The following SUPT16H variants were observed in gnomAD, a reference collection of about 807,000 sequenced individuals.
The protein encoded by SUPT16H is SPT16 homolog, facilitates chromatin remodeling subunit, also known as FACT complex subunit SPT16.
In SUPT16H, 24 loss-of-function variants were observed where a neutral mutation model predicts 136.2. That is an observed-to-expected ratio of 0.18 (90% CI 0.13 to 0.25). SUPT16H has a LOEUF of 0.25. Among genes scored for constraint, SUPT16H ranks in the 10% least tolerant of loss-of-function variants. The pLI is 1.00. For synonymous variants in SUPT16H, 415 were observed against 428.2 expected, an observed-to-expected ratio of 0.97 and a Z score of 0.38; for missense variants, 623 against 1,270.2, an observed-to-expected ratio of 0.49 and a Z score of 7.74.
intron 1 of SUPT16H, 179 bp downstream of exon 1, chr14:21,383,683 T>G: frequency 2.7e-6 from 2 of 738,292 alleles, no homozygotes. Context: ...ATGCGGGGGA[T>G]TCCCTGTTAA....
intron 7 of SUPT16H, among the ~76,000 whole-genome samples, 190 bp from the exon 8 acceptor site, chr14:21,366,719 G>A (rs113299573): frequency 4.0e-5 from 6 of 148,892 alleles, no homozygotes; most frequent in East Asian, 2.0e-4. Context: ...GCATGATTAC[G>A]GATCACTGCA....
chr14:21,358,155 C>T, intron 20 of SUPT16H, 153 bp from the exon 21 acceptor site: 1 of 817,522 alleles, frequency 1.2e-6, no homozygotes, highest in South Asian at 1.8e-5. Context: ...TAGCCACTCA[C>T]CTAAACCCTT....
intron 1 of SUPT16H, among the ~76,000 whole-genome samples, chr14:21,381,876 G>A (rs967567320): frequency 6.6e-6 from 1 of 151,024 alleles, no homozygotes; most frequent in Non-Finnish European, 1.5e-5. Flanking sequence ...ACAGGCATGA[G>A]TCACGGTGCC....
At position 21,357,991 on chromosome 14, in the gene SUPT16H, G is replaced by T; in HGVS notation, c.2426C>A (p.Ala809Asp). ...AAGGAGGCAGGTACTCCTATAGGGA[G>T]CTCCGTTAAATCTGGAAGAGACAAA... The part of the protein sequence containing the change: ...VPFRDLGFNG[A>D]PYRSTCLLQP... Residue 809 changes from alanine to aspartate, a missense_variant, in exon 21 of 26, where the codon GCT (alanine) becomes GAT (aspartate). Ala to Asp is a moderately radical substitution (Grantham distance 126, BLOSUM62 -2). Around this residue, in one of 7 missense-constraint regions of SUPT16H, gnomAD observed 74 missense variants for 193.8 expected, o/e 0.38. Coordinates refer to ENST00000216297, the MANE Select transcript of SUPT16H (RefSeq NM_007192.4). 1 of 1,613,308 alleles carries T rather than the reference G, an allele frequency of 6.2e-7. No homozygotes were observed. The highest frequency in any genetic ancestry group is 2.2e-5 in the East Asian group (1 of 44,856).
chr14:21,352,792 C>T lies in SUPT16H; in HGVS notation c.3025G>A (p.Glu1009Lys). The change falls in exon 26 of 26, where the codon GAA (glutamate) becomes AAA (lysine). Residue 1009 changes from glutamate to lysine, a missense_variant. Physicochemically the swap from Glu to Lys is moderately conservative, Grantham distance 56. Around this residue, in one of 7 missense-constraint regions of SUPT16H, gnomAD observed 88 missense variants for 135.5 expected, o/e 0.65. Coordinates refer to ENST00000216297, the MANE Select transcript of SUPT16H (RefSeq NM_007192.4). Reference sequence around the variant, plus strand: ...CTCATACTTCGACTTTGTTCTTCTTCTTCCTCGTAACGACTTTCTCGGTCC... The same window carrying T: ...CTCATACTTCGACTTTGTTCTTCTTTTTCCTCGTAACGACTTTCTCGGTCC... ...KADRESRYEE[E>K]EEQSRSMSRK... 6.2e-7 allele frequency: 1 copy of T among 1,614,052 alleles called. No individual in the cohort carries two copies. The highest frequency in any genetic ancestry group is 8.5e-7 in the Non-Finnish European group (1 of 1,180,010).
At chr14:21,356,303 C>A (rs535582307) in intron 22 of SUPT16H, among the ~76,000 whole-genome samples, 1 of 152,212 alleles carries the variant, frequency 6.6e-6, no homozygotes, top group South Asian at 2.1e-4. Flanking sequence ...GGACAGACAA[C>A]TCCCAATCTC....
rs1886830969 is a variant in SUPT16H at position 21,373,444 on chromosome 14, G to A, written c.67-14C>T. 14 of 1,590,530 alleles carry A rather than the reference G, an allele frequency of 8.8e-6. No individual in the cohort carries two copies. The East Asian group carries it at 3.1e-4, about 36-fold the overall frequency. Reference sequence around the variant, plus strand: ...ATCTTCTCCTTTCTGAAAAGAGTGGGTAATCATCACTTAATTTTTCACACT... The same window carrying A: ...ATCTTCTCCTTTCTGAAAAGAGTGGATAATCATCACTTAATTTTTCACACT... On this transcript the variant is annotated splice_polypyrimidine_tract_variant and intron_variant, in intron 1 of 25. Coordinates refer to ENST00000216297, the MANE Select transcript of SUPT16H (RefSeq NM_007192.4).
intron 5 of SUPT16H, 123 bp from the exon 6 acceptor site, chr14:21,369,478 A>G (rs1594305822): frequency 7.6e-7 from 1 of 1,323,358 alleles, no homozygotes; most frequent in Non-Finnish European, 1.0e-6. Flanking sequence ...TTTATGCGCC[A>G]GGTAATATAT....
intron 1 of SUPT16H, among the ~76,000 whole-genome samples, chr14:21,374,006 G>A (rs1435277906): frequency 6.6e-6 from 1 of 152,208 alleles, no homozygotes. Context: ...GGAATTACAG[G>A]CATAAGCCAC....
chr14:21,381,345 G>A (rs1197143995), intron 1 of SUPT16H, among the ~76,000 whole-genome samples: 1 of 152,022 alleles, frequency 6.6e-6, no homozygotes, highest in Non-Finnish European at 1.5e-5. Context: ...AAATTAACTT[G>A]CAGATAGGTA....
At chr14:21,359,971 C>G (rs1472981538) in intron 18 of SUPT16H, among the ~76,000 whole-genome samples, 1 of 152,196 alleles carries the variant, frequency 6.6e-6, no homozygotes, top group African/African-American at 2.4e-5. Flanking sequence ...GCCTTGTGGC[C>G]TTTAGAGGCA....
intron 10 of SUPT16H, among the ~76,000 whole-genome samples, 164 bp downstream of exon 10, chr14:21,364,663 A>G (rs1886627512): frequency 6.6e-6 from 1 of 152,164 alleles, no homozygotes; most frequent in African/African-American, 2.4e-5. Flanking sequence ...ATCATTCCCT[A>G]TACCTGGGCT....
chr14:21,358,583 C>G (rs1384358099), intron 19 of SUPT16H, among the ~76,000 whole-genome samples, 156 bp from the exon 20 acceptor site: 1 of 152,190 alleles, frequency 6.6e-6, no homozygotes, highest in African/African-American at 2.4e-5. Context: ...CACAGGTAAA[C>G]GTGTGCCATG....
At chr14:21,358,238 T>C in intron 20 of SUPT16H, 77 bp downstream of exon 20, 2 of 954,206 alleles carry the variant, frequency 2.1e-6, no homozygotes, top group Non-Finnish European at 3.2e-6. Context: ...TATGTTAAAT[T>C]ATTATTAAAG....
chr14:21,366,697 T>A (rs929380285), intron 7 of SUPT16H, among the ~76,000 whole-genome samples, 168 bp from the exon 8 acceptor site: 3 of 150,328 alleles, frequency 2.0e-5, no homozygotes, highest in African/African-American at 7.3e-5. Context: ...TCACTCAGGC[T>A]GGAGTGCAGT....
intron 1 of SUPT16H, among the ~76,000 whole-genome samples, chr14:21,378,495 T>C (rs1886953432): frequency 6.6e-6 from 1 of 152,142 alleles, no homozygotes; most frequent in Non-Finnish European, 1.5e-5. Context: ...GGATGTGTGA[T>C]AAAGCAAGTA....
intron 14 of SUPT16H, 92 bp from the exon 15 acceptor site, chr14:21,362,416 T>G: frequency 7.9e-7 from 1 of 1,270,322 alleles, no homozygotes; most frequent in Non-Finnish European, 1.1e-6. Flanking sequence ...GAGTTACAAA[T>G]TGACCGCTCT....
intron 5 of SUPT16H, 52 bp downstream of exon 5, chr14:21,369,698 A>T (rs1886745653): frequency 2.5e-6 from 4 of 1,605,216 alleles, no homozygotes; most frequent in Non-Finnish European, 3.4e-6. Context: ...TGCATGGTAG[A>T]CTTATTACTG....
chr14:21,373,110 AT>A (rs1033727066), intron 2 of SUPT16H, among the ~76,000 whole-genome samples: 14 of 151,832 alleles, frequency 9.2e-5, no homozygotes, highest in African/African-American at 3.4e-4. Flanking sequence ...CATCTGCTTA[AT>A]TTTTTTGTAT....
Sources: gnomAD v4.1 joint callset for allele counts (sites outside exome capture counted in the v4.1 genomes callset) on GRCh38, gnomAD v4.1.1 for gene constraint, gnomAD v4.1.1 regional missense constraint, MANE v1.5 for transcripts, NCBI Gene and HGNC (gene_info 2026-07-23, HGNC 2026-07-21) for gene names.